The following KMT5B variants were observed in gnomAD, a reference collection of about 807,000 sequenced individuals.
The protein encoded by KMT5B is histone-lysine N-methyltransferase KMT5B.
KMT5B carries 10 observed loss-of-function variants against 83.2 expected under a neutral mutation model. The ratio of observed to expected loss-of-function variants is 0.12; its 90% CI spans 0.07 to 0.20. The LOEUF is 0.20. Ranked by LOEUF, KMT5B falls within the 10% of genes least tolerant of loss-of-function variation. KMT5B has a pLI of 1.00. For synonymous variants in KMT5B, 349 were observed against 388.8 expected (o/e 0.90, Z 1.20); for missense variants, 753 against 1,067.2 (o/e 0.71, Z 4.10).
intron 10 of KMT5B, 109 bp downstream of exon 10, chr11:68,166,873 C>G: frequency 6.7e-7 from 1 of 1,496,284 alleles, no homozygotes; most frequent in Non-Finnish European, 8.9e-7. Context: ...CTCACAAGTC[C>G]CAGTCTCTCT....
At chr11:68,212,925 C>G (rs866506388) in intron 1 of KMT5B, among the ~76,000 whole-genome samples, 3,992 of 146,650 alleles carry the variant, frequency 0.027, 82 homozygotes, top group Non-Finnish European at 0.041. Flanking sequence ...CCGGCCGCGG[C>G]CACCACTGCA....
chr11:68,180,103 T>C, intron 4 of KMT5B, 29 bp downstream of exon 4: 2 of 1,564,942 alleles, frequency 1.3e-6, no homozygotes, highest in Non-Finnish European at 1.7e-6. Context: ...TTAGTCAGTA[T>C]CTCATTGTTT....
In KMT5B at chr11:68,155,178, T is replaced by C. The variant is rs1378176702; in HGVS notation, c.*2510A>G. ...GCATAAGCTCAAGCTAAGAGTTTTA[T>C]TGAATGCAACCTCTTCTAAACTGGT... On this transcript the variant is annotated 3_prime_UTR_variant, in exon 11 of 11. Transcript: ENST00000304363. 2 of 152,246 alleles carry C rather than the reference T, an allele frequency of 1.3e-5. No individual in the cohort carries two copies. The highest frequency in any genetic ancestry group is 2.9e-5 in the Non-Finnish European group (2 of 68,042). The allele number at this position is 152,246 out of a possible 1,614,324, so 9.4% of individuals were successfully genotyped here.
At chr11:68,213,089 G>A (rs1223629165) in intron 1 of KMT5B, 49 bp downstream of exon 1, 6 of 125,436 alleles carry the variant, frequency 4.8e-5, no homozygotes, top group Non-Finnish European at 8.5e-5. Context: ...CCGTCACCGA[G>A]GCCGCCCCCC....
Position 68,190,427 on chromosome 11 carries a change from T to C in KMT5B, c.-76-275A>G, listed in dbSNP as rs553458893. Among the ~76,000 whole-genome samples the C allele has an allele frequency of 3.5e-3, 532 of 152,320 alleles. 2 individuals carry two copies. Among genetic ancestry groups the C allele is most frequent in the Non-Finnish European group, 5.7e-3 (390 of 68,040 alleles). Reference sequence around the variant, plus strand: ...AGAGTATATTCCTTCTACTTTTTTTTAAGTTAACTATAAAACAGCCCCAGG... The same window carrying C: ...AGAGTATATTCCTTCTACTTTTTTTCAAGTTAACTATAAAACAGCCCCAGG... On this transcript the variant is annotated intron_variant, in intron 1 of 10. Coordinates refer to ENST00000304363, the MANE Select transcript of KMT5B (RefSeq NM_017635.5).
intron 4 of KMT5B, among the ~76,000 whole-genome samples, chr11:68,177,265 C>T (rs538822137): frequency 1.6e-4 from 24 of 152,124 alleles, no homozygotes; most frequent in Non-Finnish European, 2.9e-5. Flanking sequence ...TGCTATAGCA[C>T]CTAAAAGTAT....
At chr11:68,195,067 C>T (rs1298724410) in intron 1 of KMT5B, among the ~76,000 whole-genome samples, 1 of 152,072 alleles carries the variant, frequency 6.6e-6, no homozygotes, top group Non-Finnish European at 1.5e-5. Context: ...TGTAGTTACA[C>T]TCAGGAGGCT....
At position 68,180,119 on chromosome 11, in the gene KMT5B, A is replaced by G. The variant is rs774870363; in HGVS notation, c.377+13T>C. 3.5e-5 allele frequency: 56 copies of G among 1,577,536 alleles called. No homozygotes were observed. The Admixed American group carries it at 9.0e-4, about 25-fold the overall frequency. On this transcript the variant is annotated intron_variant, in intron 4 of 10. Transcript: ENST00000304363. ...TAGTCAGTATCTCATTGTTTTTAAC[A>G]CACACTACCTACCTCACAGGGTTGT...
rs975465831 is a variant in KMT5B, at chr11:68,173,737, C to A, written c.653+67G>T. ...TCATTCCTTACCATGAATTTCTCAG[C>A]ACTTCAACAATAATTTAGAAGAGAA... On this transcript the variant is annotated intron_variant, in intron 6 of 10. Transcript: ENST00000304363. 10 of 1,078,046 alleles carry A rather than the reference C, an allele frequency of 9.3e-6. No individual in the cohort carries two copies. The Middle Eastern group carries it at 1.5e-3, about 159-fold the overall frequency. 66.8% of individuals were successfully genotyped at this position (1,078,046 alleles called of 1,614,324 possible). A position where few individuals can be genotyped will look rare whatever the true frequency, so the allele number is the denominator to read the frequency against.
chr11:68,163,348 T>C (rs1173755145), intron 10 of KMT5B, among the ~76,000 whole-genome samples: 1 of 152,188 alleles, frequency 6.6e-6, no homozygotes, highest in Non-Finnish European at 1.5e-5. Flanking sequence ...ATCCAGCTGG[T>C]GAATGGCAGA....
rs972344589 is a variant in KMT5B, at chr11:68,202,652, G to A, written c.-77+10486C>T. ...CAACCCCTGCCTCCCGGGTTCAAGC[G>A]ATTCTCCTGCCTCAGCCTCCTGAGT... is the stretch of plus-strand genomic sequence containing the variant. On this transcript the variant is annotated intron_variant, in intron 1 of 10. Coordinates refer to ENST00000304363, the MANE Select transcript of KMT5B (RefSeq NM_017635.5). Among the ~76,000 whole-genome samples the A allele has an allele frequency of 1.4e-4, 21 of 149,740 alleles. 1 individual carries two copies. Among genetic ancestry groups the A allele is most frequent in the African/African-American group, 4.2e-4 (17 of 40,588 alleles).
chr11:68,188,506 T>C (rs1565243813), intron 2 of KMT5B, among the ~76,000 whole-genome samples: 2 of 151,816 alleles, frequency 1.3e-5, no homozygotes, highest in African/African-American at 4.8e-5. Context: ...AACACCATGA[T>C]TGGCTAATTT....
intron 10 of KMT5B, among the ~76,000 whole-genome samples, chr11:68,164,890 C>G (rs1158537565): frequency 6.6e-6 from 1 of 152,082 alleles, no homozygotes; most frequent in Non-Finnish European, 1.5e-5. Context: ...AGGAAAGGGC[C>G]CAAGTCTCAA....
chr11:68,164,958 T>C (rs1855184276), intron 10 of KMT5B, among the ~76,000 whole-genome samples: 1 of 152,232 alleles, frequency 6.6e-6, no homozygotes, highest in East Asian at 1.9e-4. Context: ...AGTTTGTTAA[T>C]ATATATTCCC....
chr11:68,171,007 T>C lies in KMT5B; in HGVS notation c.977+8A>G, dbSNP rs368120903. On this transcript the variant is annotated splice_region_variant and intron_variant, in intron 9 of 10. Transcript: ENST00000304363. The surrounding 1 kb of genome is among the most constrained non-coding windows in gnomAD (Gnocchi z 5.1). ...TGTTTAGGCTGAACATTTTACTTAATACCTTACCTTTCGCAAGTGTAACAC... is the reference window on the plus strand; with the variant it reads ...TGTTTAGGCTGAACATTTTACTTAACACCTTACCTTTCGCAAGTGTAACAC... The C allele has an allele frequency of 4.4e-6, 7 of 1,578,076 alleles. No homozygotes were observed. In the African/African-American group the frequency reaches 9.7e-5, roughly 22 times the overall value.
At chr11:68,167,456 CTTT>C (rs755731394) in intron 9 of KMT5B, among the ~76,000 whole-genome samples, 25 of 139,054 alleles carry the variant, frequency 1.8e-4, no homozygotes, top group Admixed American at 2.2e-4. Flanking sequence ...AAATTTTTTC[CTTT>C]TTTTTTTTTT....
intron 1 of KMT5B, among the ~76,000 whole-genome samples, chr11:68,211,840 TACAAAGTGAAAAATGGGCTGG>T (rs1173281931): frequency 6.6e-6 from 1 of 152,138 alleles, no homozygotes; most frequent in East Asian, 1.9e-4. Context: ...GTTTAGAGAT[TACAAAGTGAAAAATGGGCTGG>T]AGTTCCCACA....
At chr11:68,168,374 C>T (rs1216107637) in intron 9 of KMT5B, among the ~76,000 whole-genome samples, 1 of 146,498 alleles carries the variant, frequency 6.8e-6, no homozygotes, top group South Asian at 2.1e-4. Context: ...CTTGCTGTGT[C>T]ACCCAAGCTG....
rs138290112 is a variant in KMT5B at position 68,166,727 on chromosome 11, C to G, written c.1174+255G>C. On this transcript the variant is annotated intron_variant, in intron 10 of 10. Transcript: ENST00000304363. The stretch of plus-strand genomic sequence containing the variant: ...TTTAAAACATATGATGACCTTGGAA[C>G]ATATGATGAAGAACTCATATCCAGT... The G allele has an allele frequency of 7.1e-3, 9,486 of 1,331,122 alleles. 48 individuals carry two copies. Among genetic ancestry groups the G allele is most frequent in the Middle Eastern group, 0.01 (36 of 3,484 alleles). 82.5% of individuals were successfully genotyped at this position (1,331,122 alleles called of 1,614,324 possible). A position where few individuals can be genotyped will look rare whatever the true frequency, so the allele number is the denominator to read the frequency against.
Sources: gnomAD v4.1 joint callset for allele counts (sites outside exome capture counted in the v4.1 genomes callset) on GRCh38, gnomAD v4.1.1 for gene constraint, Gnocchi (gnomAD v3.1) non-coding constraint, MANE v1.5 for transcripts, NCBI Gene and HGNC (gene_info 2026-07-23, HGNC 2026-07-21) for gene names.